FBXL7: variants seen among roughly 807,000 people sequenced by gnomAD.
The protein encoded by FBXL7 is F-box and leucine rich repeat protein 7.
FBXL7 carries 12 observed loss-of-function variants against 38.3 expected under a neutral mutation model. The ratio of observed to expected loss-of-function variants is 0.31; its 90% CI spans 0.20 to 0.51. FBXL7 has a LOEUF of 0.51. Ranked by LOEUF, FBXL7 falls within the 20% of genes least tolerant of loss-of-function variation. FBXL7 has a pLI of 0.98. For missense variants in FBXL7, 567 were observed against 676.4 expected (o/e 0.84, Z 1.79); for synonymous variants, 297 against 300.9 (o/e 0.99, Z 0.13).
chr5:15,534,870 G>T (rs181989411), intron 1 of FBXL7, among the ~76,000 whole-genome samples: 2 of 152,306 alleles, frequency 1.3e-5, no homozygotes, highest in Non-Finnish European at 2.9e-5. Context: ...GTCTGGTTGT[G>T]GTATGGTTTG....
intron 2 of FBXL7, among the ~76,000 whole-genome samples, chr5:15,628,372 A>G (rs1740885264): frequency 6.6e-6 from 1 of 152,148 alleles, no homozygotes; most frequent in African/African-American, 2.4e-5. Context: ...CCCAAAGAAG[A>G]TGGATGGTGG....
At chr5:15,890,509 G>A (rs1486709669) in intron 2 of FBXL7, among the ~76,000 whole-genome samples, 1 of 152,108 alleles carries the variant, frequency 6.6e-6, no homozygotes, top group Non-Finnish European at 1.5e-5. Context: ...CCAAAGTACT[G>A]GGATTACAGG....
chr5:15,850,128 T>C (rs889981764), intron 2 of FBXL7, among the ~76,000 whole-genome samples: 2 of 152,354 alleles, frequency 1.3e-5, no homozygotes, highest in East Asian at 3.8e-4. Context: ...TAAAATATTT[T>C]AAATTAAATA....
intron 1 of FBXL7, among the ~76,000 whole-genome samples, chr5:15,610,089 T>G (rs74515114): frequency 0.085 from 12,871 of 152,216 alleles, 628 homozygotes; most frequent in South Asian, 0.14. Context: ...TGAGACTTCT[T>G]CACTACCACA....
intron 2 of FBXL7, among the ~76,000 whole-genome samples, chr5:15,758,252 G>T (rs377135972): frequency 2.0e-5 from 3 of 151,218 alleles, no homozygotes; most frequent in Non-Finnish European, 4.4e-5. Context: ...AGTACTTTAA[G>T]GAGATATGAT....
chr5:15,737,922 C>T (rs1360548133), intron 2 of FBXL7, among the ~76,000 whole-genome samples: 1 of 152,142 alleles, frequency 6.6e-6, no homozygotes, highest in Non-Finnish European at 1.5e-5. Context: ...CATGGGACCC[C>T]AGAGAGCTGC....
chr5:15,880,259 G>A (rs1245645645), intron 2 of FBXL7, among the ~76,000 whole-genome samples: 2 of 149,036 alleles, frequency 1.3e-5, no homozygotes, highest in Non-Finnish European at 3.0e-5. Flanking sequence ...TGTCTGATGG[G>A]TCCAGGTCCA....
intron 2 of FBXL7, among the ~76,000 whole-genome samples, chr5:15,730,318 A>G (rs1368826467): frequency 2.6e-5 from 4 of 152,144 alleles, no homozygotes; most frequent in Admixed American, 2.6e-4. Flanking sequence ...TACTAGGAAG[A>G]TTAGAAGAAA....
chr5:15,662,188 T>C (rs771976558), intron 2 of FBXL7, among the ~76,000 whole-genome samples: 8 of 151,898 alleles, frequency 5.3e-5, no homozygotes, highest in Admixed American at 3.3e-4. Flanking sequence ...CCAGCATCTG[T>C]TAATTGGTGT....
rs147067716 is a variant in FBXL7, at chr5:15,585,211, A to G, written c.38-30772A>G. Among the ~76,000 whole-genome samples, 502 of 152,324 alleles carry G rather than the reference A, an allele frequency of 3.3e-3. 2 individuals carry two copies. Among genetic ancestry groups the G allele is most frequent in the African/African-American group, 0.012 (479 of 41,578 alleles). On this transcript the variant is annotated intron_variant, in intron 1 of 3. Coordinates refer to ENST00000504595, the MANE Select transcript of FBXL7 (RefSeq NM_012304.5). ...TCTATAAGAAGGGGACACATTTGTA[A>G]TTTGCATTAGATGAAAGGAAAGACA...
At chr5:15,539,810 C>A (rs780246736) in intron 1 of FBXL7, among the ~76,000 whole-genome samples, 1 of 151,744 alleles carries the variant, frequency 6.6e-6, no homozygotes, top group Admixed American at 6.6e-5. Context: ...CAGGATTATT[C>A]TTCTAAAAAC....
At chr5:15,677,128 G>A (rs1358161376) in intron 2 of FBXL7, among the ~76,000 whole-genome samples, 1 of 152,180 alleles carries the variant, frequency 6.6e-6, no homozygotes, top group East Asian at 1.9e-4. Flanking sequence ...TAACCCTGCT[G>A]TTCTTTTTGG....
intron 1 of FBXL7, among the ~76,000 whole-genome samples, chr5:15,523,177 A>G (rs1737148452): frequency 1.3e-5 from 2 of 152,226 alleles, no homozygotes; most frequent in Non-Finnish European, 2.9e-5. Context: ...GGCACTAACT[A>G]ATGCCAGATT....
chr5:15,524,541 C>T (rs1737197611), intron 1 of FBXL7, among the ~76,000 whole-genome samples: 1 of 152,160 alleles, frequency 6.6e-6, no homozygotes, highest in South Asian at 2.1e-4. Context: ...TGACCCTGAC[C>T]TCTCTTAGCA....
intron 1 of FBXL7, among the ~76,000 whole-genome samples, chr5:15,566,183 T>A (rs1275998646): frequency 1.3e-5 from 2 of 152,102 alleles, no homozygotes; most frequent in Admixed American, 1.3e-4. Flanking sequence ...TAGACACTTT[T>A]AGGTTTTAGA....
chr5:15,592,269 G>C (rs1283811755), intron 1 of FBXL7, among the ~76,000 whole-genome samples: 1 of 152,142 alleles, frequency 6.6e-6, no homozygotes, highest in South Asian at 2.1e-4. Flanking sequence ...CCACAAACTT[G>C]ATAGGTCATC....
chr5:15,661,589 A>G (rs1742076760), intron 2 of FBXL7, among the ~76,000 whole-genome samples: 1 of 152,136 alleles, frequency 6.6e-6, no homozygotes, highest in Non-Finnish European at 1.5e-5. Flanking sequence ...TTACATGTGA[A>G]GGTTTGTTAC....
chr5:15,679,754 G>A (rs538710346), intron 2 of FBXL7, among the ~76,000 whole-genome samples: 36 of 152,136 alleles, frequency 2.4e-4, no homozygotes, highest in African/African-American at 7.5e-4. Flanking sequence ...GGTAACAGCC[G>A]ACTGGCTCCC....
chr5:15,903,741 G>T (rs1289496815), intron 2 of FBXL7, among the ~76,000 whole-genome samples: 1 of 151,986 alleles, frequency 6.6e-6, no homozygotes, highest in African/African-American at 2.4e-5. Context: ...ATTATTATTT[G>T]TCAACTTAAG....
Sources: allele counts gnomAD v4.1 joint callset (sites outside exome capture counted in the v4.1 genomes callset), GRCh38; gene constraint gnomAD v4.1.1; transcripts MANE v1.5; gene names NCBI Gene and HGNC (gene_info 2026-07-23, HGNC 2026-07-21).